C3: variants seen among roughly 807,000 people sequenced by gnomAD.
The protein encoded by C3 is complement C3, also known as C3 and PZP-like alpha-2-macroglobulin domain-containing protein 1.
C3 carries 97 observed loss-of-function variants against 207.9 expected under a neutral mutation model. That is an observed-to-expected ratio of 0.47 (90% confidence interval 0.40 to 0.55). The LOEUF (loss-of-function observed/expected upper bound fraction) is 0.55. C3 is among the 20% of genes least tolerant of loss of function. The pLI, the probability that C3 is intolerant of heterozygous loss-of-function variation, is 0.00. For synonymous variants in C3, 848 were observed against 857.6 expected, an observed-to-expected ratio of 0.99 and a Z score of 0.20; for missense variants, 1,684 against 2,171.7, an observed-to-expected ratio of 0.78 and a Z score of 4.46.
In C3 at chr19:6,678,462, G is replaced by A; in HGVS notation, c.4631-7C>T. The A allele has an allele frequency of 6.2e-7, 1 of 1,613,670 alleles. No homozygotes were observed. Among genetic ancestry groups the A allele is most frequent in the Non-Finnish European group, 8.5e-7 (1 of 1,179,730 alleles). ...ACCAGTCGGGTCTTGTACACTGTGGGGGAGAGGCAGACAGTTTGGGTGGTG... is the reference window on the plus strand; with the variant it reads ...ACCAGTCGGGTCTTGTACACTGTGGAGGAGAGGCAGACAGTTTGGGTGGTG... On this transcript the variant is annotated splice_region_variant and splice_polypyrimidine_tract_variant and intron_variant, in intron 38 of 40. Transcript: ENST00000245907.
At chr19:6,689,047 A>T (rs1204018470) in intron 27 of C3, among the ~76,000 whole-genome samples, 7 of 152,200 alleles carry the variant, frequency 4.6e-5, no homozygotes, top group African/African-American at 1.7e-4. Flanking sequence ...AGAGGAGCAA[A>T]GCATCCTGGC....
intron 17 of C3, among the ~76,000 whole-genome samples, chr19:6,704,212 A>G (rs1188045377): frequency 3.3e-5 from 5 of 152,134 alleles, no homozygotes; most frequent in Non-Finnish European, 7.4e-5. Flanking sequence ...CCTTGAGCCC[A>G]AGAGGTTGAC....
At chr19:6,689,374 T>TCTCTCTCTCTCTCTCTCTCTCTCTC (rs1555684230) in intron 27 of C3, among the ~76,000 whole-genome samples, 1 of 116,382 alleles carries the variant, frequency 8.6e-6, no homozygotes, top group African/African-American at 4.1e-5. Flanking sequence ...TCTCTCTCTC[T>TCTCTCTCTCTCTCTCTCTCTCTCTC]CTCTCTCTCT....
At chr19:6,693,590 G>T in intron 24 of C3, 103 bp from the exon 25 acceptor site, 1 of 991,472 alleles carries the variant, frequency 1.0e-6, no homozygotes, top group Non-Finnish European at 1.5e-6. Context: ...GGGGCTCAGG[G>T]TGGCGGAGGG....
Position 6,707,868 on chromosome 19 carries a change from G to T in C3, c.1907C>A (p.Ala636Asp). ...CAGCCCTGCGTCGGAGAAGACACCGGCGTAATCCTTCCCACTGCCCGGGGT... is the reference window on the plus strand; with the variant it reads ...CAGCCCTGCGTCGGAGAAGACACCGTCGTAATCCTTCCCACTGCCCGGGGT... ...GCTPGSGKDY[A>D]GVFSDAGLTF... The change falls in exon 15 of 41, where the codon GCC becomes GAC. Residue 636 changes from alanine to aspartate, a missense_variant. Physicochemically the swap from Ala to Asp is moderately radical, Grantham distance 126 (BLOSUM62 -2). This residue lies in a region of C3 where 1,280 missense variants were observed against 1,739.1 expected (regional missense o/e 0.74). Coordinates refer to ENST00000245907, the MANE Select transcript of C3 (RefSeq NM_000064.4). 6.2e-7 allele frequency: 1 copy of T among 1,613,976 alleles called. No homozygotes were observed. The highest frequency in any genetic ancestry group is 1.1e-5 in the South Asian group (1 of 91,086).
Position 6,702,466 on chromosome 19 carries a change from C to T in C3, c.2354+5G>A. On this transcript the variant is annotated splice_donor_5th_base_variant and intron_variant, in intron 18 of 40. Transcript: ENST00000245907. ...TGGGTTGTACCGGGGGTACCCCGGC[C>T]TTACCCATTTTTCGGTGGCTCTTTC... The T allele has an allele frequency of 6.3e-7, 1 of 1,594,468 alleles. No individual in the cohort carries two copies. Among genetic ancestry groups the T allele is most frequent in the Non-Finnish European group, 8.6e-7 (1 of 1,162,012 alleles).
chr19:6,679,243 A>T (rs1445406544), intron 37 of C3, 35 bp from the exon 38 acceptor site: 1 of 1,581,260 alleles, frequency 6.3e-7, no homozygotes. Context: ...TCTAAGTCCC[A>T]CTCCTTATCT....
In C3 at chr19:6,700,592, AATATATG is replaced by A. The variant is rs1378986419; in HGVS notation, c.2440+1528_2440+1534del. ...ATGATATATTATATATGTAATATAT[AATATATG>A]ATATATTATATATGTAATATATAAT... On this transcript the variant is annotated intron_variant, in intron 19 of 40. Coordinates refer to ENST00000245907, the MANE Select transcript of C3 (RefSeq NM_000064.4). 1.0e-4 allele frequency among the ~76,000 whole-genome samples: 4 copies of A among 39,530 alleles called. 2 individuals carry two copies. Among genetic ancestry groups the A allele is most frequent in the Non-Finnish European group, 1.6e-4 (4 of 25,438 alleles). 25.9% of individuals were successfully genotyped at this position (39,530 alleles called of 152,430 possible).
intron 11 of C3, 35 bp from the exon 12 acceptor site, chr19:6,711,231 G>T (rs758028837): frequency 6.4e-7 from 1 of 1,558,734 alleles, no homozygotes. Context: ...GCTGGTCGCC[G>T]CCCGAGGATA....
intron 19 of C3, among the ~76,000 whole-genome samples, chr19:6,701,492 T>C (rs955025327): frequency 6.6e-6 from 1 of 152,126 alleles, no homozygotes; most frequent in African/African-American, 2.4e-5. Context: ...TGAGCAGCCA[T>C]GTCTGTGTCG....
chr19:6,686,769 T>C lies in C3; in HGVS notation c.3623A>G (p.Asn1208Ser). Reference protein sequence around the residue: ...QMGRLKGPLLNKFLTTAKDKN... With the variant: ...QMGRLKGPLLSKFLTTAKDKN... The stretch of plus-strand genomic sequence containing the variant: ...ACCTTTGGCTGTGGTCAGAAATTTG[T>C]TAAGAAGAGGCCCCTTCAGCCTGCC... The change falls in exon 28 of 41, where the codon AAC (asparagine) becomes AGC (serine). Residue 1208 changes from asparagine to serine, a missense_variant. Physicochemically the swap from Asn to Ser is conservative, Grantham distance 46 (BLOSUM62 1). Around this residue, in one of 3 missense-constraint regions of C3, gnomAD observed 1,280 missense variants for 1,739.1 expected, o/e 0.74. Transcript: ENST00000245907. 6.2e-7 allele frequency: 1 copy of C among 1,614,098 alleles called. No individual in the cohort carries two copies. Among genetic ancestry groups the C allele is most frequent in the Non-Finnish European group, 8.5e-7 (1 of 1,180,038 alleles).
chr19:6,716,089 A>AT (rs1369888174), intron 4 of C3, among the ~76,000 whole-genome samples: 8 of 151,992 alleles, frequency 5.3e-5, no homozygotes, highest in Admixed American at 1.3e-4. Context: ...AATCTAGATA[A>AT]TTTTTACATT....
intron 26 of C3, 64 bp downstream of exon 26, chr19:6,692,860 G>T: frequency 6.4e-7 from 1 of 1,573,188 alleles, no homozygotes; most frequent in African/African-American, 1.3e-5. Context: ...GCTCTCTCTC[G>T]TGTTCATCCT....
chr19:6,678,292 A>T lies in C3; in HGVS notation c.4715-5T>A. The T allele has an allele frequency of 6.2e-7, 1 of 1,613,978 alleles. No homozygotes were observed. Among genetic ancestry groups the T allele is most frequent in the Non-Finnish European group, 8.5e-7 (1 of 1,179,994 alleles). On this transcript the variant is annotated splice_region_variant and splice_polypyrimidine_tract_variant and intron_variant, in intron 39 of 40. Coordinates refer to ENST00000245907, the MANE Select transcript of C3 (RefSeq NM_000064.4). ...CAACCTGCACCTCATCCGAGCCTGG[A>T]GTGGAGGGGAGAGGGAAGAAGCTGA...
At chr19:6,689,316 T>C (rs1419037685) in intron 27 of C3, among the ~76,000 whole-genome samples, 120 of 118,388 alleles carry the variant, frequency 1.0e-3, no homozygotes, top group African/African-American at 3.7e-3. Flanking sequence ...TCTCTCTCTC[T>C]CTCTCTACCT....
In C3 at chr19:6,707,849, T is replaced by C; in HGVS notation, c.1926A>G (p.Ala642=). The C allele has an allele frequency of 1.2e-6, 2 of 1,613,994 alleles. No individual in the cohort carries two copies. Among genetic ancestry groups the C allele is most frequent in the East Asian group, 4.5e-5 (2 of 44,876 alleles). The change falls in exon 15 of 41, where the codon GCA becomes GCG. Residue 642 remains alanine (A), a synonymous_variant. Transcript: ENST00000245907. The stretch of plus-strand genomic sequence containing the variant: ...CACTGCTGCTCGTGAAGGTCAGCCC[T>C]GCGTCGGAGAAGACACCGGCGTAAT... ...GKDYAGVFSD[A]GLTFTSSSGQ...
intron 26 of C3, among the ~76,000 whole-genome samples, chr19:6,691,497 AGCATACTAGGTG>A (rs1291188464): frequency 6.6e-6 from 1 of 152,226 alleles, no homozygotes; most frequent in Non-Finnish European, 1.5e-5. Context: ...GGCAGGGATT[AGCATACTAGGTG>A]GCAGAAACAG....
rs1568213611 is a variant in C3 at position 6,689,368 on chromosome 19, T to TCC, written c.3489+1260_3489+1261insGG. Among the ~76,000 whole-genome samples the TCC allele has an allele frequency of 1.7e-4, 18 of 108,204 alleles. No individual in the cohort carries two copies. The East Asian group carries it at 2.5e-3, about 15-fold the overall frequency. The allele number at this position is 108,204 out of a possible 152,430, so 71.0% of individuals were successfully genotyped here. Reference sequence around the variant, plus strand: ...CCCTCCCTCCCTCCCTCCCTCTCTCTCTCTCTCTCTCTCTCTCTCTGCCTT... The same window carrying TCC: ...CCCTCCCTCCCTCCCTCCCTCTCTCTCCCTCTCTCTCTCTCTCTCTCTGCCTT... On this transcript the variant is annotated intron_variant, in intron 27 of 40. Coordinates refer to ENST00000245907, the MANE Select transcript of C3 (RefSeq NM_000064.4).
rs1425886933 is a variant in C3, at chr19:6,694,411, A to G, written c.3154+20T>C. 3 of 1,612,470 alleles carry G rather than the reference A, an allele frequency of 1.9e-6. No homozygotes were observed. The African/African-American group carries it at 4.0e-5, about 22-fold the overall frequency. ...TCGGAAAGGGGTCCCTGGGGTCTCC[A>G]AGAGGGGCAGGGAGCCCACCCTTCT... is the stretch of plus-strand genomic sequence containing the variant. On this transcript the variant is annotated intron_variant, in intron 24 of 40. Coordinates refer to ENST00000245907, the MANE Select transcript of C3 (RefSeq NM_000064.4).
Sources: allele counts gnomAD v4.1 joint callset (sites outside exome capture counted in the v4.1 genomes callset), GRCh38; gene constraint gnomAD v4.1.1; regional missense constraint gnomAD v4.1.1; transcripts MANE v1.5; gene names NCBI Gene and HGNC (gene_info 2026-07-23, HGNC 2026-07-21).